ESR1: variants seen among roughly 807,000 people sequenced by gnomAD.
The protein encoded by ESR1 is estrogen receptor 1.
Under a neutral mutation model 52.7 loss-of-function variants are expected in ESR1, and 12 were observed. That is an observed-to-expected ratio of 0.23 (90% confidence interval 0.15 to 0.37). The LOEUF (loss-of-function observed/expected upper bound fraction) is 0.37, where lower values mean the gene tolerates loss of function less well. Ranked by LOEUF, ESR1 falls within the 10% of genes least tolerant of loss-of-function variation. The pLI is 1.00. For synonymous variants in ESR1, 305 were observed against 316.8 expected, an observed-to-expected ratio of 0.96 and a Z score of 0.39; for missense variants, 584 against 779.7, an observed-to-expected ratio of 0.75 and a Z score of 2.99.
intron 2 of ESR1, among the ~76,000 whole-genome samples, chr6:151,713,279 A>C (rs1241295405): frequency 6.6e-6 from 1 of 152,064 alleles, no homozygotes; most frequent in African/African-American, 2.4e-5. Flanking sequence ...TGTTCATCAG[A>C]GATATTGGCC....
At chr6:151,962,608 C>A (rs760835688) in intron 4 of ESR1, among the ~76,000 whole-genome samples, 2 of 152,228 alleles carry the variant, frequency 1.3e-5, no homozygotes, top group East Asian at 1.9e-4. Context: ...ACCAAACCAA[C>A]CAAACAAACA....
intron 7 of ESR1, chr6:152,096,704 C>T (rs1269485626): frequency 2.2e-6 from 1 of 455,958 alleles, no homozygotes; most frequent in Non-Finnish European, 4.4e-6. Context: ...TCACGTCTGT[C>T]AGGTAGAGTA....
intron 5 of ESR1, among the ~76,000 whole-genome samples, chr6:152,020,537 G>T (rs370638513): frequency 1.3e-5 from 2 of 150,290 alleles, no homozygotes; most frequent in African/African-American, 4.9e-5. Flanking sequence ...TTCAATTTCC[G>T]CCTCCTGGGT....
chr6:151,720,420 T>C (rs1345832287), intron 2 of ESR1, among the ~76,000 whole-genome samples: 2 of 152,226 alleles, frequency 1.3e-5, no homozygotes, highest in Non-Finnish European at 2.9e-5. Flanking sequence ...TTTAAACAGA[T>C]ATATAGCAAG....
intron 1 of ESR1, among the ~76,000 whole-genome samples, chr6:151,830,037 T>C (rs762502734): frequency 2.0e-5 from 3 of 152,226 alleles, no homozygotes; most frequent in Non-Finnish European, 4.4e-5. Flanking sequence ...GACATATTGG[T>C]CCTATCTTTT....
intron 1 of ESR1, among the ~76,000 whole-genome samples, chr6:151,683,011 CG>C (rs1262002990): frequency 6.6e-6 from 1 of 152,068 alleles, no homozygotes; most frequent in Non-Finnish European, 1.5e-5. Flanking sequence ...TATTACTATC[CG>C]GGTGAAGCAT....
chr6:151,924,082 C>T (rs1235953568), intron 3 of ESR1, among the ~76,000 whole-genome samples: 7 of 152,134 alleles, frequency 4.6e-5, no homozygotes, highest in African/African-American at 1.7e-4. Context: ...CTCGCTCTGT[C>T]GCCCAGGCTG....
At chr6:151,694,711 C>T (rs1022512957) in intron 1 of ESR1, among the ~76,000 whole-genome samples, 9 of 151,790 alleles carry the variant, frequency 5.9e-5, no homozygotes, top group African/African-American at 1.5e-4. Context: ...CGCTTGAACC[C>T]GCGAAGTGGA....
intron 1 of ESR1, among the ~76,000 whole-genome samples, chr6:151,677,455 T>TGTAC (rs1322717985): frequency 1.3e-5 from 2 of 152,250 alleles, no homozygotes; most frequent in Non-Finnish European, 2.9e-5. Context: ...TGTGAATGAA[T>TGTAC]GTACACACAG....
chr6:151,736,067 A>G (rs552791041), intron 2 of ESR1, among the ~76,000 whole-genome samples: 1 of 152,142 alleles, frequency 6.6e-6, no homozygotes, highest in Non-Finnish European at 1.5e-5. Flanking sequence ...TCTTTCCTTT[A>G]TAAATTACCC....
chr6:152,084,037 G>A (rs1215720322), intron 6 of ESR1, among the ~76,000 whole-genome samples: 2 of 152,104 alleles, frequency 1.3e-5, no homozygotes, highest in East Asian at 3.9e-4. Flanking sequence ...GTCCATCAAC[G>A]ATAGACTGGA....
chr6:151,830,075 T>G (rs573725424), intron 1 of ESR1, among the ~76,000 whole-genome samples: 1 of 152,364 alleles, frequency 6.6e-6, no homozygotes, highest in South Asian at 2.1e-4. Flanking sequence ...AAATGACTTA[T>G]GGATCACATT....
At chr6:151,800,707 G>A (rs1381849461), upstream of ESR1, among the ~76,000 whole-genome samples, 2 of 152,190 alleles carry the variant, frequency 1.3e-5, no homozygotes, top group East Asian at 3.9e-4. Flanking sequence ...GACCAAAACA[G>A]TTCTCCGCAC....
chr6:151,760,231 C>T (rs1354690592), intron 2 of ESR1, among the ~76,000 whole-genome samples: 1 of 152,182 alleles, frequency 6.6e-6, no homozygotes, highest in Non-Finnish European at 1.5e-5. Flanking sequence ...TCACTTTAAC[C>T]TCCCTTGGGT....
chr6:151,882,921 C>G (rs1355301380), intron 3 of ESR1, among the ~76,000 whole-genome samples: 1 of 152,162 alleles, frequency 6.6e-6, no homozygotes, highest in Non-Finnish European at 1.5e-5. Flanking sequence ...CTGTACACAA[C>G]AGACTGTGGA....
At chr6:151,756,660 G>T (rs1784312569) in intron 2 of ESR1, among the ~76,000 whole-genome samples, 1 of 152,164 alleles carries the variant, frequency 6.6e-6, no homozygotes, top group African/African-American at 2.4e-5. Context: ...TATAGTTTTT[G>T]AATAAATTGA....
At chr6:151,980,267 G>A (rs1584618088) in intron 4 of ESR1, among the ~76,000 whole-genome samples, 1 of 152,110 alleles carries the variant, frequency 6.6e-6, no homozygotes, top group Non-Finnish European at 1.5e-5. Context: ...TGCATTCTCG[G>A]ATTTTGACAC....
downstream of ESR1, among the ~76,000 whole-genome samples, chr6:152,105,943 G>A (rs1342956980): frequency 2.7e-5 from 4 of 149,516 alleles, no homozygotes; most frequent in South Asian, 2.2e-4. Context: ...GCCCGCCACC[G>A]CGCCCGGCTA....
At chr6:152,080,902 A>G (rs1011203863) in intron 6 of ESR1, among the ~76,000 whole-genome samples, 31 of 150,270 alleles carry the variant, frequency 2.1e-4, no homozygotes, top group African/African-American at 7.0e-4. Context: ...AGACAAAGAC[A>G]GCCACAACAA....
Sources: allele counts gnomAD v4.1 joint callset (sites outside exome capture counted in the v4.1 genomes callset), GRCh38; gene constraint gnomAD v4.1.1; transcripts MANE v1.5; gene names NCBI Gene and HGNC (gene_info 2026-07-23, HGNC 2026-07-21).